Variants in LONP1 observed in about 807,000 individuals in gnomAD.
LONP1 encodes the protein lon protease homolog, mitochondrial.
In LONP1, 31 loss-of-function variants were observed where a neutral mutation model predicts 98.5. The ratio of observed to expected loss-of-function variants is 0.31; its 90% CI spans 0.24 to 0.42. LONP1 has a LOEUF of 0.42. Ranked by LOEUF, LONP1 falls within the 20% of genes least tolerant of loss-of-function variation. The probability of loss-of-function intolerance (pLI) is 1.00; values close to 1 mark genes in which losing one functional copy is unlikely to be tolerated. For synonymous variants in LONP1, 781 were observed against 594.7 expected (o/e 1.31, Z -4.56); for missense variants, 1,336 against 1,350.6 (o/e 0.99, Z 0.17).
At chr19:5,698,393 A>G (rs1393279875) in intron 10 of LONP1, among the ~76,000 whole-genome samples, 4 of 152,206 alleles carry the variant, frequency 2.6e-5, no homozygotes, top group African/African-American at 9.6e-5. Context: ...TACGGTTTCC[A>G]AAGAACCGCT....
Position 5,711,762 on chromosome 19 carries a change from C to T in LONP1, c.870+9G>A, listed in dbSNP as rs371761138. The stretch of plus-strand genomic sequence containing the variant: ...AGCTGTGGCCGCCCTGCGTGACGCA[C>T]GGACTCACTTTCACCTCCTCCGTGA... On this transcript the variant is annotated intron_variant, in intron 4 of 17. Coordinates refer to ENST00000360614, the MANE Select transcript of LONP1 (RefSeq NM_004793.4). 1.4e-5 allele frequency: 22 copies of T among 1,600,024 alleles called. No individual in the cohort carries two copies. Among genetic ancestry groups the T allele is most frequent in the South Asian group, 8.8e-5 (8 of 90,666 alleles).
chr19:5,711,942 G>A lies in LONP1; in HGVS notation c.699C>T (p.His233=). Residue 233 remains histidine (H), a synonymous_variant, in exon 4 of 18, where the codon CAC becomes CAT. Coordinates refer to ENST00000360614, the MANE Select transcript of LONP1 (RefSeq NM_004793.4). The part of the protein sequence containing the change: ...EPEEPEAENK[H]KPRRKSKRGK... Reference sequence around the variant, plus strand: ...CCCGCTTTGACTTCCTGCGGGGCTTGTGCTTGTTCTCCGCCTCCGGCTCCT... The same window carrying A: ...CCCGCTTTGACTTCCTGCGGGGCTTATGCTTGTTCTCCGCCTCCGGCTCCT... 6.2e-7 allele frequency: 1 copy of A among 1,613,276 alleles called. No individual in the cohort carries two copies. The highest frequency in any genetic ancestry group is 8.5e-7 in the Non-Finnish European group (1 of 1,179,774).
At position 5,691,960 on chromosome 19, in the gene LONP1, G is replaced by A. The variant is rs1054991788; in HGVS notation, c.*72C>T. The A allele has an allele frequency of 6.8e-6, 6 of 878,600 alleles. No individual in the cohort carries two copies. The highest frequency in any genetic ancestry group is 9.9e-6 in the Non-Finnish European group (6 of 609,074). The allele number at this position is 878,600 out of a possible 1,614,324, so 54.4% of individuals were successfully genotyped here. ...GGTGGCTCCACTGCCAGGTCCGGGCGCGCTCCCCACAGCGCTCAGTTCTGG... is the reference window on the plus strand; with the variant it reads ...GGTGGCTCCACTGCCAGGTCCGGGCACGCTCCCCACAGCGCTCAGTTCTGG... On this transcript the variant is annotated 3_prime_UTR_variant, in exon 18 of 18. Transcript: ENST00000360614.
Position 5,699,029 on chromosome 19 carries a change from G to A in LONP1, c.1683C>T (p.His561=), listed in dbSNP as rs565029365. 9.3e-6 allele frequency: 15 copies of A among 1,605,844 alleles called. No homozygotes were observed. The highest frequency in any genetic ancestry group is 1.3e-5 in the Non-Finnish European group (15 of 1,175,450). Residue 561 remains histidine, a splice_region_variant and synonymous_variant, in exon 10 of 18, where the codon CAC becomes CAT. Transcript: ENST00000360614. The part of the protein sequence containing the change: ...GMTDVAEIKG[H]RRTYVGAMPG... ...GAGAGCTGTCAGGCCAGGCCTACCTGTGGCCCTTGATCTCAGCCACGTCAG... is the reference window on the plus strand; with the variant it reads ...GAGAGCTGTCAGGCCAGGCCTACCTATGGCCCTTGATCTCAGCCACGTCAG...
rs1319311034 is a variant in LONP1, at chr19:5,693,302, A to G, written c.2699T>C (p.Ile900Thr). The G allele has an allele frequency of 6.2e-7, 1 of 1,610,366 alleles. No homozygotes were observed. Among genetic ancestry groups the G allele is most frequent in the Non-Finnish European group, 8.5e-7 (1 of 1,177,648 alleles). ...LPVGGIKEKT[I>T]AAKRAGVTCI... Reference sequence around the variant, plus strand: ...GGTGGGTACAGGGACACTCACCGCAATGGTCTTCTCCTTGATGCCACCAAC... The same window carrying G: ...GGTGGGTACAGGGACACTCACCGCAGTGGTCTTCTCCTTGATGCCACCAAC... The change falls in exon 17 of 18, where the codon ATT (isoleucine) becomes ACT (threonine). Residue 900 changes from isoleucine to threonine, a missense_variant. Coordinates refer to ENST00000360614, the MANE Select transcript of LONP1 (RefSeq NM_004793.4).
At chr19:5,715,933 A>G (rs569370164) in intron 1 of LONP1, among the ~76,000 whole-genome samples, 3 of 152,094 alleles carry the variant, frequency 2.0e-5, no homozygotes, top group African/African-American at 7.2e-5. Flanking sequence ...TTCATTAATG[A>G]TCAAGACCCC....
chr19:5,708,468 G>GGGGGGC, intron 4 of LONP1, 65 bp from the exon 5 acceptor site: 3 of 551,258 alleles, frequency 5.4e-6, no homozygotes, highest in Non-Finnish European at 1.0e-5. Context: ...GGCTGGGTGG[G>GGGGGGC]AGCATGGCCC....
chr19:5,691,976 T>TCATTTCTGGCCCAGACAGGGCCTGACATC lies in LONP1; in HGVS notation c.*55_*56insGATGTCAGGCCCTGTCTGGGCCAGAAATG. ...GGTCCGGGCGCGCTCCCCACAGCGCTCAGTTCTGGCCCAGACAGGGCCTGA... is the reference window on the plus strand; with the variant it reads ...GGTCCGGGCGCGCTCCCCACAGCGCTCATTTCTGGCCCAGACAGGGCCTGACATCCAGTTCTGGCCCAGACAGGGCCTGA... On this transcript the variant is annotated 3_prime_UTR_variant, in exon 18 of 18. Transcript: ENST00000360614. 1 of 1,536,478 alleles carries TCATTTCTGGCCCAGACAGGGCCTGACATC rather than the reference T, an allele frequency of 6.5e-7. No homozygotes were observed. Among genetic ancestry groups the TCATTTCTGGCCCAGACAGGGCCTGACATC allele is most frequent in the Non-Finnish European group, 8.8e-7 (1 of 1,135,664 alleles).
At chr19:5,700,970 G>A (rs1349780626) in intron 8 of LONP1, 43 bp from the exon 9 acceptor site, 1 of 1,611,454 alleles carries the variant, frequency 6.2e-7, no homozygotes, top group Non-Finnish European at 8.5e-7. Context: ...GAGCTCACGA[G>A]CTGCCTGTCT....
chr19:5,693,950 C>G (rs1328361687), intron 15 of LONP1, among the ~76,000 whole-genome samples, 181 bp from the exon 16 acceptor site: 2 of 152,194 alleles, frequency 1.3e-5, no homozygotes, highest in Non-Finnish European at 2.9e-5. Context: ...TTGCGGGTTC[C>G]TGGCTCTGTA....
intron 1 of LONP1, 124 bp from the exon 2 acceptor site, chr19:5,714,395 A>C (rs1370663700): frequency 9.2e-6 from 6 of 654,870 alleles, no homozygotes; most frequent in Admixed American, 2.5e-5. Context: ...CTCCACCCCC[A>C]CTGAGTTCAA....
At chr19:5,720,278 G>T, upstream of LONP1, 2 of 1,185,048 alleles carry the variant, frequency 1.7e-6, no homozygotes, top group South Asian at 3.9e-5. Context: ...CGGAGAAGAG[G>T]GGGCGGAGTT....
intron 10 of LONP1, among the ~76,000 whole-genome samples, chr19:5,697,894 A>G (rs1424764648): frequency 6.6e-6 from 1 of 151,258 alleles, no homozygotes; most frequent in African/African-American, 2.4e-5. Flanking sequence ...TCCGGCCCGC[A>G]CCTCCAGCCA....
intron 1 of LONP1, among the ~76,000 whole-genome samples, chr19:5,716,976 A>G (rs1488916299): frequency 6.6e-6 from 1 of 152,116 alleles, no homozygotes; most frequent in Non-Finnish European, 1.5e-5. Flanking sequence ...TTGTATTTTT[A>G]GTAGAGACGG....
At chr19:5,699,326 T>C in intron 9 of LONP1, 121 bp from the exon 10 acceptor site, 1 of 756,786 alleles carries the variant, frequency 1.3e-6, no homozygotes, top group East Asian at 3.3e-5. Flanking sequence ...GGACCAGGAT[T>C]GTCCGGGAGG....
At chr19:5,703,042 G>A (rs935313430) in intron 8 of LONP1, among the ~76,000 whole-genome samples, 4 of 151,800 alleles carry the variant, frequency 2.6e-5, no homozygotes, top group Non-Finnish European at 4.4e-5. Context: ...TTAGCTGGGC[G>A]TGGCAGCGGA....
intron 17 of LONP1, among the ~76,000 whole-genome samples, chr19:5,692,924 C>A (rs1384922640): frequency 1.3e-5 from 2 of 152,110 alleles, no homozygotes; most frequent in African/African-American, 4.8e-5. Flanking sequence ...GCGCTCCAAC[C>A]TGCTCAGCAC....
At chr19:5,698,960 G>T (rs540651494) in intron 10 of LONP1, 67 bp downstream of exon 10, 2 of 1,484,638 alleles carry the variant, frequency 1.3e-6, no homozygotes, top group South Asian at 1.3e-5. Flanking sequence ...AAGGGTGACC[G>T]GAGAAGACGA....
chr19:5,714,042 T>G, intron 2 of LONP1, 141 bp downstream of exon 2: 1 of 608,936 alleles, frequency 1.6e-6, no homozygotes, highest in Non-Finnish European at 2.9e-6. Flanking sequence ...GTAGCCTGCG[T>G]GGCTTCTGGC....
Sources: allele counts gnomAD v4.1 joint callset (sites outside exome capture counted in the v4.1 genomes callset), GRCh38; gene constraint gnomAD v4.1.1; transcripts MANE v1.5; gene names NCBI Gene and HGNC (gene_info 2026-07-23, HGNC 2026-07-21).